Variants in MYOM1 observed in about 807,000 individuals in gnomAD.
MYOM1 encodes myomesin 1.
In MYOM1, 164 loss-of-function variants were observed where a neutral mutation model predicts 205.3. The ratio of observed to expected loss-of-function variants is 0.80; its 90% CI spans 0.70 to 0.91. The LOEUF (loss-of-function observed/expected upper bound fraction) is 0.91. MYOM1 is among the 40% of genes least tolerant of loss of function. MYOM1 has a pLI of 0.00. For synonymous variants in MYOM1, 772 were observed against 789.4 expected (o/e 0.98, Z 0.37); for missense variants, 2,011 against 2,127.3 (o/e 0.95, Z 1.08).
rs1397375643 is a variant in MYOM1 at position 3,166,284 on chromosome 18, T to TTTTA, written c.1340-1846_1340-1845insTAAA. Among the ~76,000 whole-genome samples, 88 of 149,448 alleles carry TTTTA rather than the reference T, an allele frequency of 5.9e-4. No individual in the cohort carries two copies. The South Asian group carries it at 0.016, about 27-fold the overall frequency. On this transcript the variant is annotated intron_variant, in intron 9 of 37. Transcript: ENST00000356443. ...AAGTCTTTTTTTTTTTTTTTTTTTT[T>TTTTA]ATTTGAGGCGGCGTCTCAGTCTGTC... is the stretch of plus-strand genomic sequence containing the variant.
intron 2 of MYOM1, among the ~76,000 whole-genome samples, chr18:3,194,531 G>A (rs541713042): frequency 6.6e-6 from 1 of 152,280 alleles, no homozygotes; most frequent in South Asian, 2.1e-4. Flanking sequence ...GGTGCGATAA[G>A]GAAGCCTTTG....
intron 24 of MYOM1, 54 bp from the exon 25 acceptor site, chr18:3,100,257 CT>C: frequency 6.2e-7 from 1 of 1,613,014 alleles, no homozygotes; most frequent in Non-Finnish European, 8.5e-7. Flanking sequence ...ATAAAAGTCA[CT>C]TAAGAATAAC....
the MYOM1 span, among the ~76,000 whole-genome samples, chr18:3,229,976 CAAAAAAA>C: frequency 1.3e-5 from 1 of 79,058 alleles, no homozygotes; most frequent in Non-Finnish European, 2.3e-5. Context: ...AACTCCATCT[CAAAAAAA>C]AAAAAAAAAA....
At chr18:3,201,797 C>T (rs1467638611) in intron 2 of MYOM1, among the ~76,000 whole-genome samples, 1 of 151,976 alleles carries the variant, frequency 6.6e-6, no homozygotes, top group Non-Finnish European at 1.5e-5. Flanking sequence ...GCACACATCA[C>T]CATGCCCAGC....
At chr18:3,112,797 T>G (rs770297110) in intron 21 of MYOM1, among the ~76,000 whole-genome samples, 1 of 152,162 alleles carries the variant, frequency 6.6e-6, no homozygotes, top group Non-Finnish European at 1.5e-5. Context: ...ATGTCGCTTT[T>G]CCCCCCAATC....
the MYOM1 span, among the ~76,000 whole-genome samples, chr18:3,245,410 TA>T: frequency 1.3e-5 from 2 of 152,146 alleles, no homozygotes; most frequent in Non-Finnish European, 2.9e-5. Context: ...TCCAAACTTT[TA>T]GTAAAAACGT....
chr18:3,094,183 A>T lies in MYOM1; in HGVS notation c.3851T>A (p.Ile1284Asn). 1 of 1,613,926 alleles carries T rather than the reference A, an allele frequency of 6.2e-7. No homozygotes were observed. The highest frequency in any genetic ancestry group is 8.5e-7 in the Non-Finnish European group (1 of 1,179,858). ...KVNYIFNEKE[I>N]FEGPKYKMHI... is the part of the protein sequence containing the mutation. ...TGTAAAACCTACCGGGCCTTCAAAAATTTCCTTCTCGTTAAATATGTAGTT... is the reference window on the plus strand; with the variant it reads ...TGTAAAACCTACCGGGCCTTCAAAATTTTCCTTCTCGTTAAATATGTAGTT... The change falls in exon 26 of 38, where the codon ATT (isoleucine) becomes AAT (asparagine). Residue 1284 changes from isoleucine (I) to asparagine (N), a missense_variant. Transcript: ENST00000356443.
rs757989708 is a variant in MYOM1 at position 3,129,444 on chromosome 18, A to C, written c.2582T>G (p.Val861Gly). 1.9e-5 allele frequency: 31 copies of C among 1,613,814 alleles called. No individual in the cohort carries two copies. Among genetic ancestry groups the C allele is most frequent in the Non-Finnish European group, 2.4e-5 (28 of 1,179,860 alleles). ...GAAGGTTGGCGGGGAGGCTTCATGC[A>C]CGCGCCCCCTGGAGGCGGTTAGTCC... is the stretch of plus-strand genomic sequence containing the variant. ...PGGLTASRGR[V>G]HEASPPTFQK... Residue 861 changes from valine to glycine, a missense_variant, in exon 18 of 38, where the codon GTG (valine) becomes GGG (glycine). Val to Gly is a moderately radical substitution (Grantham distance 109). Coordinates refer to ENST00000356443, the MANE Select transcript of MYOM1 (RefSeq NM_003803.4).
At chr18:3,199,465 T>C (rs578144180) in intron 2 of MYOM1, among the ~76,000 whole-genome samples, 3 of 152,322 alleles carry the variant, frequency 2.0e-5, no homozygotes, top group East Asian at 1.9e-4. Context: ...CCACACATCA[T>C]TGGTTGACTG....
In MYOM1 at chr18:3,123,888, C is replaced by T. The variant is rs139231060; in HGVS notation, c.2991+2813G>A. 4.2e-3 allele frequency among the ~76,000 whole-genome samples: 628 copies of T among 150,148 alleles called. 20 individuals are homozygous for T. The highest frequency in any genetic ancestry group is 0.015 in the African/African-American group (598 of 40,248). ...CAAGCCTGGAGTGCAGTGGTGTGAT[C>T]TCAGCTCACTGCAACCTCCACCTCC... is the stretch of plus-strand genomic sequence containing the variant. On this transcript the variant is annotated intron_variant, in intron 19 of 37. Coordinates refer to ENST00000356443, the MANE Select transcript of MYOM1 (RefSeq NM_003803.4).
At chr18:3,114,702 TC>T (rs1305762705) in intron 21 of MYOM1, among the ~76,000 whole-genome samples, 1 of 151,904 alleles carries the variant, frequency 6.6e-6, no homozygotes, top group Non-Finnish European at 1.5e-5. Context: ...TCTTTGTGCT[TC>T]TTATGTTTGA....
intron 36 of MYOM1, among the ~76,000 whole-genome samples, chr18:3,074,804 G>A (rs2079002157): frequency 2.0e-5 from 3 of 152,040 alleles, no homozygotes; most frequent in African/African-American, 4.8e-5. Flanking sequence ...ATTTTCTTTT[G>A]TTGTTGTTGT....
the MYOM1 span, among the ~76,000 whole-genome samples, chr18:3,226,840 T>C: frequency 3.3e-5 from 5 of 152,124 alleles, no homozygotes; most frequent in African/African-American, 4.8e-5. This position sits in a 1 kb window ranked among gnomAD's most constrained non-coding sequence, Gnocchi z 4.6. Flanking sequence ...CCTCAGGACA[T>C]AGGGACTCCT....
chr18:3,122,686 A>G (rs1056254611), intron 19 of MYOM1, among the ~76,000 whole-genome samples: 2 of 152,356 alleles, frequency 1.3e-5, no homozygotes, highest in Non-Finnish European at 1.5e-5. Context: ...AACAGAGTAT[A>G]TATAGTATCC....
intron 5 of MYOM1, among the ~76,000 whole-genome samples, chr18:3,184,887 T>G (rs578133765): frequency 6.6e-6 from 1 of 152,222 alleles, no homozygotes; most frequent in African/African-American, 2.4e-5. Context: ...GTCTTCCCTT[T>G]TGTTTGAAAT....
At chr18:3,213,827 T>G (rs2081220747) in intron 2 of MYOM1, among the ~76,000 whole-genome samples, 1 of 152,234 alleles carries the variant, frequency 6.6e-6, no homozygotes, top group African/African-American at 2.4e-5. Flanking sequence ...CAATTCCCAC[T>G]TCTGGTGAGA....
At chr18:3,111,798 C>T (rs112146653) in intron 22 of MYOM1, among the ~76,000 whole-genome samples, 117 of 152,202 alleles carry the variant, frequency 7.7e-4, no homozygotes, top group African/African-American at 2.6e-3. Context: ...TGACAGAGAC[C>T]ACAGGGCTGT....
chr18:3,206,046 C>G (rs2081119894), intron 2 of MYOM1, among the ~76,000 whole-genome samples: 1 of 152,056 alleles, frequency 6.6e-6, no homozygotes, highest in South Asian at 2.1e-4. Context: ...GGCCAGTAAC[C>G]ACAAAGGCCA....
In MYOM1 at chr18:3,188,791, A is replaced by G. The variant is rs775625618; in HGVS notation, c.728T>C (p.Val243Ala). 10 of 1,605,398 alleles carry G rather than the reference A, an allele frequency of 6.2e-6. No individual in the cohort carries two copies. The highest frequency in any genetic ancestry group is 6.8e-6 in the Non-Finnish European group (8 of 1,173,932). The change falls in exon 4 of 38, where the codon GTT (valine) becomes GCT (alanine). Residue 243 changes from valine to alanine, a missense_variant. By Grantham distance (64) the Val-to-Ala change is moderately conservative. Transcript: ENST00000356443. ...EETSEKKSRK[V>A]VIREKAERLS... ...GCGTTCTGCCTTTTCTCGAATCACA[A>G]CTTTCCTTGACTTCTTTTCAGAAGT...
Sources: gnomAD v4.1 joint callset for allele counts (sites outside exome capture counted in the v4.1 genomes callset) on GRCh38, gnomAD v4.1.1 for gene constraint, Gnocchi (gnomAD v3.1) non-coding constraint, MANE v1.5 for transcripts, NCBI Gene and HGNC (gene_info 2026-07-23, HGNC 2026-07-21) for gene names.